RASAL2: variants seen among roughly 807,000 people sequenced by gnomAD.
RASAL2 encodes the protein ras GTPase-activating protein nGAP.
In RASAL2, 58 loss-of-function variants were observed where a neutral mutation model predicts 128.9. The observed-to-expected ratio is 0.45, with a 90% CI of 0.36 to 0.56. The LOEUF (loss-of-function observed/expected upper bound fraction) is 0.56, where lower values mean the gene tolerates loss of function less well. Among genes scored for constraint, RASAL2 ranks in the 20% least tolerant of loss-of-function variants. RASAL2 has a pLI of 0.00. For missense variants in RASAL2, 1,360 were observed against 1,601.6 expected, an observed-to-expected ratio of 0.85 and a Z score of 2.57; for synonymous variants, 561 against 580.8, an observed-to-expected ratio of 0.97 and a Z score of 0.49.
At chr1:178,285,952 A>G (rs1364432468) in intron 2 of RASAL2, among the ~76,000 whole-genome samples, 1 of 152,208 alleles carries the variant, frequency 6.6e-6, no homozygotes, top group African/African-American at 2.4e-5. Context: ...CTCATAATAT[A>G]ACTGTCCATG....
intron 1 of RASAL2, among the ~76,000 whole-genome samples, chr1:178,156,578 A>G (rs1157613169): frequency 6.6e-6 from 1 of 152,174 alleles, no homozygotes; most frequent in Non-Finnish European, 1.5e-5. Context: ...AAAGAAATAC[A>G]CGTGAAAGTG....
intron 11 of RASAL2, 85 bp from the exon 12 acceptor site, chr1:178,454,362 A>C (rs1677614651): frequency 2.7e-6 from 3 of 1,128,388 alleles, no homozygotes; most frequent in Non-Finnish European, 3.9e-6. Flanking sequence ...AATAAAAAAA[A>C]GTAATAGTTC....
chr1:178,333,635 A>G (rs556876014), intron 3 of RASAL2, among the ~76,000 whole-genome samples: 1 of 152,234 alleles, frequency 6.6e-6, no homozygotes, highest in East Asian at 1.9e-4. Context: ...GAGTTCAAAA[A>G]CCCAAGCCAT....
rs746279984 is a variant in RASAL2, at chr1:178,458,255, G to A, written c.2963G>A (p.Arg988Gln). The A allele has an allele frequency of 1.8e-5, 29 of 1,614,094 alleles. No homozygotes were observed. Among genetic ancestry groups the A allele is most frequent in the East Asian group, 2.2e-5 (1 of 44,896 alleles). Residue 988 changes from arginine to glutamine, a missense_variant, in exon 14 of 18, where the codon CGG (arginine) becomes CAG (glutamine). Physicochemically the swap from Arg to Gln is conservative, Grantham distance 43. Transcript: ENST00000367649. The stretch of plus-strand genomic sequence containing the variant: ...ACTCAGAGTGAGGACTTCTCCAGGC[G>A]GCACACGGTGCCAGATAGACACATA... The part of the protein sequence containing the change: ...RSTQSEDFSR[R>Q]HTVPDRHIPL...
At chr1:178,191,805 C>T (rs1343689774) in intron 1 of RASAL2, among the ~76,000 whole-genome samples, 1 of 152,186 alleles carries the variant, frequency 6.6e-6, no homozygotes, top group South Asian at 2.1e-4. Context: ...TTGTGGCACA[C>T]AGACAATAAG....
intron 3 of RASAL2, among the ~76,000 whole-genome samples, chr1:178,337,575 C>G (rs1366789576): frequency 6.6e-6 from 1 of 152,040 alleles, no homozygotes; most frequent in Non-Finnish European, 1.5e-5. Context: ...AAAGAGGAAG[C>G]ACATGTAAGC....
intron 1 of RASAL2, among the ~76,000 whole-genome samples, chr1:178,103,422 G>T (rs140295892): frequency 1.3e-5 from 2 of 152,048 alleles, no homozygotes; most frequent in African/African-American, 4.8e-5. Context: ...TCAAAGGTAC[G>T]TGTATTTGTA....
chr1:178,146,509 C>T (rs1660735474), intron 1 of RASAL2, among the ~76,000 whole-genome samples: 1 of 152,122 alleles, frequency 6.6e-6, no homozygotes, highest in South Asian at 2.1e-4. Flanking sequence ...GCCATTTTTG[C>T]GTGTAATCAT....
intron 1 of RASAL2, among the ~76,000 whole-genome samples, chr1:178,167,019 A>G (rs749092367): frequency 6.6e-6 from 1 of 152,066 alleles, no homozygotes; most frequent in Non-Finnish European, 1.5e-5. Flanking sequence ...TCTAGCCCCT[A>G]CTCTGAGGAA....
intron 8 of RASAL2, among the ~76,000 whole-genome samples, chr1:178,444,995 A>G (rs981908007): frequency 2.0e-5 from 3 of 152,098 alleles, no homozygotes; most frequent in African/African-American, 7.2e-5. Context: ...GAGCTGACTA[A>G]TGGAGTTCAG....
chr1:178,320,562 GCGTC>G (rs1668717155), intron 3 of RASAL2, among the ~76,000 whole-genome samples: 1 of 152,182 alleles, frequency 6.6e-6, no homozygotes, highest in Non-Finnish European at 1.5e-5. Flanking sequence ...TTTTCCAGGT[GCGTC>G]CGTCACCCCT....
At chr1:178,253,920 T>A (rs1213457691) in intron 1 of RASAL2, among the ~76,000 whole-genome samples, 1 of 152,228 alleles carries the variant, frequency 6.6e-6, no homozygotes, top group Non-Finnish European at 1.5e-5. Flanking sequence ...GAGGCCTGAC[T>A]TGTAGCCAGA....
At chr1:178,289,872 C>T (rs754094520) in intron 2 of RASAL2, among the ~76,000 whole-genome samples, 14 of 152,158 alleles carry the variant, frequency 9.2e-5, no homozygotes, top group African/African-American at 3.1e-4. Flanking sequence ...TCCCTAAGGC[C>T]GTGGTCTTGG....
At chr1:178,448,961 G>C (rs1005714245) in intron 9 of RASAL2, among the ~76,000 whole-genome samples, 1 of 152,178 alleles carries the variant, frequency 6.6e-6, no homozygotes, top group African/African-American at 2.4e-5. Context: ...GCAAGGGCCA[G>C]AGTAGTAAAA....
chr1:178,188,378 A>G (rs911854636), intron 1 of RASAL2, among the ~76,000 whole-genome samples: 2 of 152,100 alleles, frequency 1.3e-5, no homozygotes, highest in African/African-American at 4.8e-5. Flanking sequence ...TGGGATTATT[A>G]TAGGATTTAT....
At chr1:178,411,165 TACACACACACAC>T (rs138482764) in intron 4 of RASAL2, among the ~76,000 whole-genome samples, 2,489 of 149,648 alleles carry the variant, frequency 0.017, 43 homozygotes, top group Non-Finnish European at 0.025. Flanking sequence ...TGTGTGTGTG[TACACACACACAC>T]ACACACACAC....
chr1:178,280,994 G>A (rs1305356580), intron 1 of RASAL2, among the ~76,000 whole-genome samples: 1 of 151,932 alleles, frequency 6.6e-6, no homozygotes, highest in African/African-American at 2.4e-5. Context: ...CTGGAAATGA[G>A]AACATGATAT....
intron 1 of RASAL2, among the ~76,000 whole-genome samples, chr1:178,132,372 A>C (rs2102307076): frequency 6.6e-6 from 1 of 152,026 alleles, no homozygotes; most frequent in East Asian, 1.9e-4. Flanking sequence ...TTCCTTAAAA[A>C]AATAATTTAC....
chr1:178,451,752 T>G, intron 10 of RASAL2, 37 bp downstream of exon 10: 1 of 1,594,550 alleles, frequency 6.3e-7, no homozygotes. Flanking sequence ...CATTTTTTCA[T>G]GTAAAGGTCA....
Sources: allele counts gnomAD v4.1 joint callset (sites outside exome capture counted in the v4.1 genomes callset), GRCh38; gene constraint gnomAD v4.1.1; transcripts MANE v1.5; gene names NCBI Gene and HGNC (gene_info 2026-07-23, HGNC 2026-07-21).